Variants in MTR observed in about 807,000 individuals in gnomAD.
The protein encoded by MTR is 5-methyltetrahydrofolate-homocysteine methyltransferase.
MTR carries 84 observed loss-of-function variants against 154.8 expected under a neutral mutation model. The observed-to-expected ratio is 0.54, with a 90% confidence interval of 0.45 to 0.65. MTR has a LOEUF of 0.65. MTR is among the 30% of genes least tolerant of loss of function. The pLI, the probability that MTR is intolerant of heterozygous loss-of-function variation, is 0.00. For synonymous variants in MTR, 554 were observed against 553.9 expected (o/e 1.00, Z 0.00); for missense variants, 1,275 against 1,570.2 (o/e 0.81, Z 3.18).
At chr1:236,795,835 G>T in intron 1 of MTR, 98 bp downstream of exon 1, 3 of 1,575,222 alleles carry the variant, frequency 1.9e-6, no homozygotes, top group South Asian at 2.2e-5. Context: ...GGCGGGAGAC[G>T]CCCGGCGGTG....
chr1:236,803,372 TCA>T (rs1470411628), intron 1 of MTR, 54 bp from the exon 2 acceptor site: 3 of 1,533,470 alleles, frequency 2.0e-6, no homozygotes, highest in African/African-American at 2.7e-5. Flanking sequence ...AGCTCCTCCC[TCA>T]CACATCTTTT....
chr1:236,877,161 T>A (rs1228063000), intron 24 of MTR, among the ~76,000 whole-genome samples: 1 of 152,222 alleles, frequency 6.6e-6, no homozygotes, highest in Non-Finnish European at 1.5e-5. Context: ...ACTGTAGAAT[T>A]TCCCAGTTCT....
At chr1:236,843,817 A>G (rs1360195730) in intron 15 of MTR, among the ~76,000 whole-genome samples, 1 of 152,228 alleles carries the variant, frequency 6.6e-6, no homozygotes, top group South Asian at 2.1e-4. Flanking sequence ...TACTGAGGTA[A>G]GAAAGACTGA....
At chr1:236,818,949 T>G (rs898019483) in intron 8 of MTR, among the ~76,000 whole-genome samples, 2 of 152,248 alleles carry the variant, frequency 1.3e-5, no homozygotes, top group Admixed American at 1.3e-4. Flanking sequence ...TTGTAGAATT[T>G]AGAGACAGCT....
intron 9 of MTR, 81 bp downstream of exon 9, chr1:236,824,300 A>T: frequency 1.7e-6 from 2 of 1,182,858 alleles, no homozygotes; most frequent in Non-Finnish European, 2.5e-6. Flanking sequence ...GATCTTGAAT[A>T]AAAGATCTTG....
chr1:236,889,822 A>C (rs146839322), intron 28 of MTR, among the ~76,000 whole-genome samples: 1 of 152,200 alleles, frequency 6.6e-6, no homozygotes, highest in Non-Finnish European at 1.5e-5. Context: ...AGGTCATTCC[A>C]GGTAGAGGAG....
chr1:236,874,523 A>G (rs181347496), intron 23 of MTR, among the ~76,000 whole-genome samples: 73 of 151,678 alleles, frequency 4.8e-4, no homozygotes, highest in South Asian at 1.5e-3. Context: ...GTGAGCCGAG[A>G]TCGCGCCACT....
chr1:236,850,183 T>C (rs1398907413), intron 15 of MTR, among the ~76,000 whole-genome samples, 161 bp from the exon 16 acceptor site: 1 of 152,110 alleles, frequency 6.6e-6, no homozygotes, highest in Non-Finnish European at 1.5e-5. Flanking sequence ...AATCCAAGCA[T>C]TGACACTTGA....
chr1:236,816,048 C>T (rs77197697), intron 7 of MTR, among the ~76,000 whole-genome samples: 2,834 of 152,258 alleles, frequency 0.019, 96 homozygotes, highest in African/African-American at 0.065. Context: ...GACCTCTCTG[C>T]GAGTCCTAAA....
chr1:236,829,167 A>T, intron 11 of MTR, 22 bp from the exon 12 acceptor site: 1 of 1,574,010 alleles, frequency 6.4e-7, no homozygotes. Context: ...TAATGGATAC[A>T]ATGTTTCCTC....
Position 236,891,273 on chromosome 1 carries a change from G to T in MTR, c.3148G>T (p.Ala1050Ser). 2.5e-6 allele frequency: 4 copies of T among 1,614,164 alleles called. No homozygotes were observed. The highest frequency in any genetic ancestry group is 3.4e-6 in the Non-Finnish European group (4 of 1,180,030). Residue 1050 changes from alanine to serine, a missense_variant, in exon 29 of 33, where the codon GCT becomes TCT. Physicochemically the swap from Ala to Ser is moderately conservative, Grantham distance 99. Coordinates refer to ENST00000366577, the MANE Select transcript of MTR (RefSeq NM_000254.3). ...AGACGACATTCACCTGTACGCAGAGGCTGCTGTGCCCCAGGCTGCAGAGCC... is the reference window on the plus strand; with the variant it reads ...AGACGACATTCACCTGTACGCAGAGTCTGCTGTGCCCCAGGCTGCAGAGCC... ...IQDDIHLYAE[A>S]AVPQAAEPIA...
At position 236,795,312 on chromosome 1, in the gene MTR, A is replaced by C; in HGVS notation, c.-392A>C. The C allele has an allele frequency of 8.1e-7, 1 of 1,234,114 alleles. No homozygotes were observed. Among genetic ancestry groups the C allele is most frequent in the Non-Finnish European group, 1.0e-6 (1 of 963,602 alleles). 76.4% of individuals were successfully genotyped at this position (1,234,114 alleles called of 1,614,324 possible). On this transcript the variant is annotated 5_prime_UTR_variant, in exon 1 of 33. Transcript: ENST00000366577. ...AGCGCAGAACTAACCGCGCTCTGAAAGGTTCTAAATGTCTGCGGGGCTCAG... is the reference window on the plus strand; with the variant it reads ...AGCGCAGAACTAACCGCGCTCTGAACGGTTCTAAATGTCTGCGGGGCTCAG...
At position 236,816,533 on chromosome 1, in the gene MTR, G is replaced by C; in HGVS notation, c.754G>C (p.Glu252Gln). The C allele has an allele frequency of 6.2e-7, 1 of 1,613,836 alleles. No homozygotes were observed. Among genetic ancestry groups the C allele is most frequent in the Non-Finnish European group, 8.5e-7 (1 of 1,179,718 alleles). The change falls in exon 8 of 33, where the codon GAA (glutamate) becomes CAA (glutamine). Residue 252 changes from glutamate to glutamine, a missense_variant. Transcript: ENST00000366577. ...EGFVISVSHG[E>Q]PLCIGLNCAL... ...ATTTGTCATCAGCGTGTCTCATGGAGAACCACTCTGGTGAGTGATCCATCT... is the reference window on the plus strand; with the variant it reads ...ATTTGTCATCAGCGTGTCTCATGGACAACCACTCTGGTGAGTGATCCATCT...
intron 6 of MTR, among the ~76,000 whole-genome samples, 178 bp downstream of exon 6, chr1:236,813,022 GC>G (rs1661390936): frequency 6.6e-6 from 1 of 152,016 alleles, no homozygotes; most frequent in Non-Finnish European, 1.5e-5. Flanking sequence ...CTTTAAACCT[GC>G]TTTTGAAGCT....
At chr1:236,831,891 A>C (rs1662633464) in intron 12 of MTR, 75 bp from the exon 13 acceptor site, 5 of 1,053,234 alleles carry the variant, frequency 4.7e-6, no homozygotes, top group Admixed American at 1.8e-5. Context: ...TTCTTATTGA[A>C]TACATTTGTG....
rs763902448 is a variant in MTR, at chr1:236,824,214, A to G, written c.860A>G (p.Asn287Ser). 62 of 1,612,496 alleles carry G rather than the reference A, an allele frequency of 3.8e-5. No homozygotes were observed. Among genetic ancestry groups the G allele is most frequent in the Non-Finnish European group, 4.9e-5 (58 of 1,178,638 alleles). Residue 287 changes from asparagine to serine, a missense_variant, in exon 9 of 33, where the codon AAT (asparagine) becomes AGT (serine). By Grantham distance (46) the Asn-to-Ser change is conservative (BLOSUM62 1). Transcript: ENST00000366577. ...CTTAYVLCYPNAGLPNTFGDY... is the reference protein window; with the variant it reads ...CTTAYVLCYPSAGLPNTFGDY... ...ACAGCCTATGTCCTCTGTTATCCCAATGCAGGTGTGTGTTTCAAGGGGGTC... is the reference window on the plus strand; with the variant it reads ...ACAGCCTATGTCCTCTGTTATCCCAGTGCAGGTGTGTGTTTCAAGGGGGTC...
At chr1:236,800,136 CT>C (rs2103001298) in intron 1 of MTR, 2 of 985,358 alleles carry the variant, frequency 2.0e-6, no homozygotes, top group South Asian at 9.4e-5. Flanking sequence ...TGGAGGCACT[CT>C]GAGTGGTTAG....
intron 24 of MTR, among the ~76,000 whole-genome samples, chr1:236,878,195 A>G (rs1431141307): frequency 6.6e-6 from 1 of 152,166 alleles, no homozygotes; most frequent in Admixed American, 6.5e-5. Flanking sequence ...AGTCCGATTT[A>G]TCAGTCTCTT....
At chr1:236,858,805 G>C (rs574921893) in intron 18 of MTR, among the ~76,000 whole-genome samples, 1 of 152,174 alleles carries the variant, frequency 6.6e-6, no homozygotes, top group South Asian at 2.1e-4. Flanking sequence ...TCCAGTTGAG[G>C]TGGAGAAAAC....
Sources: allele counts gnomAD v4.1 joint callset (sites outside exome capture counted in the v4.1 genomes callset), GRCh38; gene constraint gnomAD v4.1.1; transcripts MANE v1.5; gene names NCBI Gene and HGNC (gene_info 2026-07-23, HGNC 2026-07-21).